The following RAPGEF5 variants were observed in gnomAD, a reference collection of about 807,000 sequenced individuals.
RAPGEF5 encodes Rap guanine nucleotide exchange factor 5, also known as M-Ras-regulated GEF.
RAPGEF5 carries 65 observed loss-of-function variants against 125.2 expected under a neutral mutation model. The observed-to-expected ratio is 0.52, with a 90% CI of 0.43 to 0.64. The LOEUF (loss-of-function observed/expected upper bound fraction) is 0.64. RAPGEF5 is among the 30% of genes least tolerant of loss of function. The pLI, the probability that RAPGEF5 is intolerant of heterozygous loss-of-function variation, is 0.00. For synonymous variants in RAPGEF5, 391 were observed against 385.9 expected (o/e 1.01, Z -0.16); for missense variants, 958 against 1,048.1 (o/e 0.91, Z 1.19).
At chr7:22,133,628 T>C (rs1782989270) in intron 23 of RAPGEF5, among the ~76,000 whole-genome samples, 2 of 152,058 alleles carry the variant, frequency 1.3e-5, no homozygotes, top group African/African-American at 2.4e-5. Context: ...TCTGCAACAA[T>C]AAACTCCACT....
In RAPGEF5 at chr7:22,266,976, C is replaced by T. The variant is rs1248321677; in HGVS notation, c.784G>A (p.Ala262Thr). 1.2e-6 allele frequency: 2 copies of T among 1,610,786 alleles called. No homozygotes were observed. The highest frequency in any genetic ancestry group is 1.7e-6 in the Non-Finnish European group (2 of 1,177,452). The part of the protein sequence containing the change: ...RELAAVIALK[A>T]RKSAIEQDEE... ...AAAGATGACTTACCAGACTTCCTTG[C>T]TTTCAAAGCAATAACAGCTGCTAGC... Residue 262 changes from alanine to threonine, a missense_variant, in exon 7 of 26, where the codon GCA becomes ACA. Coordinates refer to ENST00000665637, the MANE Select transcript of RAPGEF5 (RefSeq NM_012294.5).
intron 6 of RAPGEF5, among the ~76,000 whole-genome samples, chr7:22,286,433 A>G (rs1782798667): frequency 6.6e-6 from 1 of 152,256 alleles, no homozygotes; most frequent in African/African-American, 2.4e-5. Context: ...TCAAACCCAG[A>G]TGAGATGTTT....
intron 17 of RAPGEF5, among the ~76,000 whole-genome samples, chr7:22,153,081 C>G (rs1783680420): frequency 6.6e-6 from 1 of 152,130 alleles, no homozygotes; most frequent in Admixed American, 6.5e-5. Flanking sequence ...TCACGAGGCC[C>G]TGGGTTGACT....
At chr7:22,186,702 T>C (rs1241022193) in intron 11 of RAPGEF5, among the ~76,000 whole-genome samples, 4 of 152,168 alleles carry the variant, frequency 2.6e-5, no homozygotes, top group Non-Finnish European at 2.9e-5. Flanking sequence ...ATTCAGAAAC[T>C]CAATAACTAA....
intron 5 of RAPGEF5, among the ~76,000 whole-genome samples, chr7:22,303,080 C>T (rs990395698): frequency 2.0e-5 from 3 of 152,228 alleles, no homozygotes; most frequent in African/African-American, 7.2e-5. Context: ...AGTTCCCTCA[C>T]AGCCTAAAGG....
rs373633755 is a variant in RAPGEF5, at chr7:22,157,136, C to A, written c.1558-248G>T. Among the ~76,000 whole-genome samples the A allele has an allele frequency of 1.4e-4, 21 of 152,338 alleles. 1 individual carries two copies. The East Asian group carries it at 1.7e-3, about 13-fold the overall frequency. On this transcript the variant is annotated intron_variant, in intron 15 of 25. Transcript: ENST00000665637. ...CAAAAGCCCCTATATTTATTCCCTG[C>A]AACATGATTTTTCACATCTGGCTAT...
In RAPGEF5 at chr7:22,350,807, T is replaced by C. The variant is rs148552954; in HGVS notation, c.231+6023A>G. 5.8e-3 allele frequency among the ~76,000 whole-genome samples: 881 copies of C among 152,332 alleles called. 5 individuals carry two copies. The highest frequency in any genetic ancestry group is 7.3e-3 in the Non-Finnish European group (497 of 68,024). On this transcript the variant is annotated intron_variant, in intron 1 of 25. Transcript: ENST00000665637. ...TCTTTTCCTTCTTCCCAAATAAATA[T>C]TTTTGAAGTTGGCATCCACAGAGCT...
At chr7:22,232,465 G>A (rs1480919894) in intron 7 of RAPGEF5, among the ~76,000 whole-genome samples, 1 of 151,798 alleles carries the variant, frequency 6.6e-6, no homozygotes, top group Non-Finnish European at 1.5e-5. Context: ...GATTACAGGC[G>A]TGCACTACCA....
intron 11 of RAPGEF5, chr7:22,192,579 T>C (rs1370212306): frequency 1.3e-5 from 2 of 152,232 alleles, no homozygotes; most frequent in Non-Finnish European, 2.9e-5. Flanking sequence ...AAATGCAGGC[T>C]ACAGTCAGAG....
chr7:22,313,885 C>T (rs1324437917), intron 3 of RAPGEF5, among the ~76,000 whole-genome samples: 1 of 152,182 alleles, frequency 6.6e-6, no homozygotes, highest in Non-Finnish European at 1.5e-5. Flanking sequence ...AGCCCTTTTA[C>T]TCCCTGTCCT....
intron 12 of RAPGEF5, among the ~76,000 whole-genome samples, chr7:22,165,685 T>C (rs1364040606): frequency 6.6e-6 from 1 of 152,182 alleles, no homozygotes; most frequent in African/African-American, 2.4e-5. Context: ...CAGTTATTTA[T>C]TTTTTTAAGA....
chr7:22,190,794 T>C (rs951324849), intron 11 of RAPGEF5, among the ~76,000 whole-genome samples: 2 of 152,152 alleles, frequency 1.3e-5, no homozygotes, highest in Non-Finnish European at 2.9e-5. Context: ...CAGCCTCTGA[T>C]GGGTCCAAAA....
At chr7:22,162,633 T>C in intron 12 of RAPGEF5, 92 bp from the exon 13 acceptor site, 1 of 1,216,358 alleles carries the variant, frequency 8.2e-7, no homozygotes, top group Non-Finnish European at 1.2e-6. Context: ...TGTGAAGGCA[T>C]ACAAGTGTAT....
At chr7:22,251,980 C>T (rs1786634932) in intron 7 of RAPGEF5, among the ~76,000 whole-genome samples, 1 of 152,056 alleles carries the variant, frequency 6.6e-6, no homozygotes, top group Admixed American at 6.6e-5. Flanking sequence ...TGGATTTATG[C>T]ACAGGGTACA....
chr7:22,156,255 G>C (rs773019181), intron 16 of RAPGEF5, among the ~76,000 whole-genome samples: 1 of 152,200 alleles, frequency 6.6e-6, no homozygotes, highest in South Asian at 2.1e-4. Context: ...TCTAAAAGGA[G>C]AAAACCACTG....
chr7:22,154,115 T>C (rs368687894), intron 17 of RAPGEF5, among the ~76,000 whole-genome samples: 6 of 152,034 alleles, frequency 3.9e-5, no homozygotes, highest in Admixed American at 2.6e-4. Context: ...CTTTTTTTTT[T>C]CCACCCCAAA....
chr7:22,133,869 G>C (rs754965208), intron 23 of RAPGEF5, among the ~76,000 whole-genome samples: 9 of 152,306 alleles, frequency 5.9e-5, no homozygotes, highest in Non-Finnish European at 1.0e-4. Flanking sequence ...ATAAGAAAGA[G>C]GAAGATTGAG....
chr7:22,340,882 C>T (rs757375331), intron 1 of RAPGEF5, among the ~76,000 whole-genome samples: 3 of 152,204 alleles, frequency 2.0e-5, no homozygotes, highest in Non-Finnish European at 4.4e-5. Context: ...AGCAACCAAG[C>T]TTTACTGGAG....
At chr7:22,346,028 G>A (rs145040296) in intron 1 of RAPGEF5, among the ~76,000 whole-genome samples, 325 of 152,228 alleles carry the variant, frequency 2.1e-3, no homozygotes, top group Middle Eastern at 6.8e-3. Flanking sequence ...AAGAGATGTG[G>A]TTAATATTAA....
Sources: allele counts gnomAD v4.1 joint callset (sites outside exome capture counted in the v4.1 genomes callset), GRCh38; gene constraint gnomAD v4.1.1; transcripts MANE v1.5; gene names NCBI Gene and HGNC (gene_info 2026-07-23, HGNC 2026-07-21).